The following B4GALT4 variants were observed in gnomAD, a reference collection of about 807,000 sequenced individuals.
B4GALT4 encodes beta-1,4-galactosyltransferase 4, also known as N-acetyllactosamine synthase.
In B4GALT4, 27 loss-of-function variants were observed where a neutral mutation model predicts 37.3. The observed-to-expected ratio is 0.72, with a 90% CI of 0.53 to 1.00. B4GALT4 has a LOEUF of 1.00. Among genes scored for constraint, B4GALT4 ranks in the 50% least tolerant of loss-of-function variants. B4GALT4 has a pLI of 0.00. For missense variants in B4GALT4, 372 were observed against 413.1 expected (o/e 0.90, Z 0.86); for synonymous variants, 148 against 154.1 (o/e 0.96, Z 0.29).
chr3:119,234,026 A>G (rs956149502), intron 2 of B4GALT4, among the ~76,000 whole-genome samples: 7 of 152,218 alleles, frequency 4.6e-5, no homozygotes, highest in Non-Finnish European at 8.8e-5. Context: ...AAAATGATGA[A>G]AAATATTTAT....
intron 2 of B4GALT4, among the ~76,000 whole-genome samples, chr3:119,236,408 G>A (rs1039395158): frequency 3.3e-5 from 5 of 152,024 alleles, no homozygotes; most frequent in African/African-American, 1.2e-4. Flanking sequence ...GTTATGTAAG[G>A]GGTTAATATT....
chr3:119,228,318 C>G (rs762067522), intron 3 of B4GALT4, among the ~76,000 whole-genome samples: 4 of 152,164 alleles, frequency 2.6e-5, no homozygotes, highest in African/African-American at 4.8e-5. Flanking sequence ...CACTTACTCT[C>G]TATCAGTCTC....
chr3:119,226,546 G>A (rs1039322686), intron 4 of B4GALT4: 1 of 463,732 alleles, frequency 2.2e-6, no homozygotes, highest in Non-Finnish European at 3.9e-6. Context: ...GGCAGTCATT[G>A]GCTAACATGG....
intron 2 of B4GALT4, chr3:119,232,370 T>C (rs1031332858): frequency 1.3e-5 from 2 of 152,226 alleles, no homozygotes; most frequent in African/African-American, 4.8e-5. Flanking sequence ...ACTAGTCTCA[T>C]CTTACAGGTA....
Position 119,212,752 on chromosome 3 carries a change from T to C in B4GALT4, c.903-71A>G, listed in dbSNP as rs532563287. ...GTCTCCACTGCATTTTGCCTTGCCCTGAAATGTGGCAAACATATTTTTGTA... is the reference window on the plus strand; with the variant it reads ...GTCTCCACTGCATTTTGCCTTGCCCCGAAATGTGGCAAACATATTTTTGTA... On this transcript the variant is annotated intron_variant, in intron 7 of 7. Transcript: ENST00000393765. 457 of 1,381,420 alleles carry C rather than the reference T, an allele frequency of 3.3e-4. 8 individuals carry two copies. In the South Asian group the frequency reaches 6.6e-3, roughly 20 times the overall value. The allele number at this position is 1,381,420 out of a possible 1,614,324, so 85.6% of individuals were successfully genotyped here.
At chr3:119,239,578 A>C (rs1284572602) in intron 1 of B4GALT4, among the ~76,000 whole-genome samples, 1 of 152,228 alleles carries the variant, frequency 6.6e-6, no homozygotes, top group Non-Finnish European at 1.5e-5. Flanking sequence ...AATACTTATT[A>C]TATTAAGTGG....
intron 5 of B4GALT4, among the ~76,000 whole-genome samples, chr3:119,223,100 T>G (rs893008560): frequency 6.6e-6 from 1 of 152,248 alleles, no homozygotes; most frequent in Non-Finnish European, 1.5e-5. Flanking sequence ...CTTTCTCTCC[T>G]GCCTTCTTCT....
intron 5 of B4GALT4, among the ~76,000 whole-genome samples, chr3:119,222,455 G>A (rs141100197): frequency 2.2e-4 from 33 of 152,060 alleles, no homozygotes; most frequent in Admixed American, 8.5e-4. Context: ...GACATGTGGC[G>A]TCTCTCCCCT....
chr3:119,211,778 C>T lies in B4GALT4; in HGVS notation c.*771G>A, dbSNP rs894475904. 1 of 193,760 alleles carries T rather than the reference C, an allele frequency of 5.2e-6. No individual in the cohort carries two copies. The highest frequency in any genetic ancestry group is 2.3e-5 in the African/African-American group (1 of 43,176). 12.0% of individuals were successfully genotyped at this position (193,760 alleles called of 1,614,324 possible). ...TTTTACTACAGAGGTATTTGATAGA[C>T]ATATTTATTATTAGTTAATATGTAA... On this transcript the variant is annotated 3_prime_UTR_variant, in exon 8 of 8. Coordinates refer to ENST00000393765, the MANE Select transcript of B4GALT4 (RefSeq NM_003778.4).
intron 4 of B4GALT4, 114 bp downstream of exon 4, chr3:119,226,695 T>G: frequency 1.1e-6 from 1 of 878,352 alleles, no homozygotes; most frequent in Non-Finnish European, 1.7e-6. Flanking sequence ...AGAGAACTCG[T>G]TTTTGATGAT....
At chr3:119,222,927 A>C (rs1243410194) in intron 5 of B4GALT4, among the ~76,000 whole-genome samples, 6 of 152,226 alleles carry the variant, frequency 3.9e-5, no homozygotes, top group Admixed American at 3.9e-4. Context: ...GGCAACAGTC[A>C]CCTACATCAA....
At chr3:119,224,905 C>G (rs1473701791) in intron 4 of B4GALT4, among the ~76,000 whole-genome samples, 1 of 152,170 alleles carries the variant, frequency 6.6e-6, no homozygotes, top group Non-Finnish European at 1.5e-5. Context: ...CAAAACCTTT[C>G]TTATATACTA....
intron 2 of B4GALT4, 105 bp downstream of exon 2, chr3:119,236,748 C>T (rs2078997762): frequency 6.6e-6 from 1 of 152,170 alleles, no homozygotes; most frequent in Non-Finnish European, 1.5e-5. Context: ...AATATGAGTA[C>T]AAAATTCCAC....
In B4GALT4 at chr3:119,229,876, T is replaced by C. The variant is rs755009310; in HGVS notation, c.224A>G (p.Asp75Gly). The change falls in exon 3 of 8, where the codon GAC becomes GGC. Residue 75 changes from aspartate (D) to glycine (G), a missense_variant. Transcript: ENST00000393765. ...NEASTKKVEL[D>G]NCPSVSPYLR... ...GTAAGGAGACACAGAAGGGCAGTTG[T>C]CAAGTTCTACCTTCTTCGTGGATGC... is the stretch of plus-strand genomic sequence containing the variant. 6.2e-7 allele frequency: 1 copy of C among 1,614,204 alleles called. No homozygotes were observed. The highest frequency in any genetic ancestry group is 8.5e-7 in the Non-Finnish European group (1 of 1,180,026).
chr3:119,224,281 G>A (rs1356261185), intron 4 of B4GALT4, 36 bp from the exon 5 acceptor site: 2 of 1,515,772 alleles, frequency 1.3e-6, no homozygotes, highest in African/African-American at 2.8e-5. Flanking sequence ...AAAAGCTCCT[G>A]AGATAAAGTT....
At position 119,212,314 on chromosome 3, in the gene B4GALT4, A is replaced by G. The variant is rs2078180845; in HGVS notation, c.*235T>C. ...TCCTTTTATATAAAGTCCTTCAAGT[A>G]TCCATATTACAATATTTAACCCTCA... On this transcript the variant is annotated 3_prime_UTR_variant, in exon 8 of 8. Coordinates refer to ENST00000393765, the MANE Select transcript of B4GALT4 (RefSeq NM_003778.4). The G allele has an allele frequency of 7.4e-6, 5 of 679,230 alleles. No homozygotes were observed. Among genetic ancestry groups the G allele is most frequent in the South Asian group, 6.4e-5 (4 of 62,816 alleles). The allele number at this position is 679,230 out of a possible 1,614,324, so 42.1% of individuals were successfully genotyped here. A position where few individuals can be genotyped will look rare whatever the true frequency, so the allele number is the denominator to read the frequency against.
intron 1 of B4GALT4, among the ~76,000 whole-genome samples, chr3:119,239,699 T>C (rs1293342413): frequency 6.6e-6 from 1 of 152,232 alleles, no homozygotes. Flanking sequence ...CAACGTATGT[T>C]TTCAATCTGA....
chr3:119,214,430 G>A (rs1205521214), intron 7 of B4GALT4: 1 of 152,154 alleles, frequency 6.6e-6, no homozygotes, highest in Non-Finnish European at 1.5e-5. Flanking sequence ...CTTGTGAATA[G>A]GCCAATTCCC....
chr3:119,240,691 G>C (rs547816729), intron 1 of B4GALT4, 159 bp downstream of exon 1: 1 of 152,372 alleles, frequency 6.6e-6, no homozygotes, highest in East Asian at 1.9e-4. Context: ...CCACCGCTCC[G>C]GCTGAGGCGG....
Sources: gnomAD v4.1 joint callset for allele counts (sites outside exome capture counted in the v4.1 genomes callset) on GRCh38, gnomAD v4.1.1 for gene constraint, MANE v1.5 for transcripts, NCBI Gene and HGNC (gene_info 2026-07-23, HGNC 2026-07-21) for gene names.